Variants in TMEM132D observed in about 807,000 individuals in gnomAD.
TMEM132D encodes transmembrane protein 132D.
Under a neutral mutation model 62.3 loss-of-function variants are expected in TMEM132D, and 21 were observed. The observed-to-expected ratio is 0.34, with a 90% confidence interval of 0.24 to 0.49. The LOEUF is 0.49. TMEM132D is among the 20% of genes least tolerant of loss of function. The pLI is 0.99. For missense variants in TMEM132D, 1,346 were observed against 1,402.8 expected (o/e 0.96, Z 0.65); for synonymous variants, 621 against 575.6 (o/e 1.08, Z -1.13).
chr12:129,554,330 A>T (rs1422048965), intron 2 of TMEM132D, among the ~76,000 whole-genome samples: 2 of 152,208 alleles, frequency 1.3e-5, no homozygotes, highest in East Asian at 3.9e-4. Flanking sequence ...CTAAGTAACG[A>T]TGCCAGGTGG....
At chr12:129,424,346 T>G (rs1872418478) in intron 3 of TMEM132D, among the ~76,000 whole-genome samples, 1 of 152,146 alleles carries the variant, frequency 6.6e-6, no homozygotes, top group Admixed American at 6.5e-5. Context: ...ACTCAAAAGT[T>G]TTCCCATACA....
chr12:129,473,632 G>T (rs1442516983), intron 3 of TMEM132D, among the ~76,000 whole-genome samples: 1 of 152,000 alleles, frequency 6.6e-6, no homozygotes, highest in Non-Finnish European at 1.5e-5. Context: ...CACCTGGCCT[G>T]GTTTTAGTTA....
In TMEM132D at chr12:129,386,610, C is replaced by T. The variant is rs376244663; in HGVS notation, c.1116-48793G>A. 7.8e-4 allele frequency among the ~76,000 whole-genome samples: 118 copies of T among 151,614 alleles called. 3 individuals are homozygous for T. In the East Asian group the frequency reaches 0.015, roughly 19 times the overall value. On this transcript the variant is annotated intron_variant, in intron 3 of 8. Coordinates refer to ENST00000422113, the MANE Select transcript of TMEM132D (RefSeq NM_133448.3). ...CCAACACTATCACTAACACCAACAC[C>T]GACACCACCAATGCTAACAGTATCA... is the stretch of plus-strand genomic sequence containing the variant.
chr12:129,386,731 C>G (rs55743061), intron 3 of TMEM132D, among the ~76,000 whole-genome samples: 3 of 150,554 alleles, frequency 2.0e-5, no homozygotes, highest in Non-Finnish European at 3.0e-5. Context: ...CCAACACCAA[C>G]GCCACCAATG....
chr12:129,590,462 C>A (rs1032954900), intron 2 of TMEM132D, among the ~76,000 whole-genome samples: 1 of 152,224 alleles, frequency 6.6e-6, no homozygotes. Context: ...GTGGCAAATG[C>A]TTCCAAACGT....
intron 3 of TMEM132D, among the ~76,000 whole-genome samples, chr12:129,508,854 T>C (rs1875419847): frequency 1.3e-5 from 2 of 152,156 alleles, no homozygotes; most frequent in South Asian, 2.1e-4. Flanking sequence ...CGTAGGGAAC[T>C]GGACTCCATT....
At chr12:129,177,543 A>C (rs781209402) in intron 5 of TMEM132D, among the ~76,000 whole-genome samples, 5 of 152,176 alleles carry the variant, frequency 3.3e-5, no homozygotes, top group Non-Finnish European at 5.9e-5. Context: ...GGATCACTTG[A>C]ACCTGGGAGT....
intron 3 of TMEM132D, among the ~76,000 whole-genome samples, chr12:129,529,873 G>A (rs1392464882): frequency 6.6e-6 from 1 of 152,134 alleles, no homozygotes; most frequent in Non-Finnish European, 1.5e-5. Context: ...TATATTACTG[G>A]TACAGATGTG....
chr12:129,119,173 G>T (rs1000051160), intron 5 of TMEM132D, among the ~76,000 whole-genome samples: 1 of 152,192 alleles, frequency 6.6e-6, no homozygotes, highest in Non-Finnish European at 1.5e-5. Flanking sequence ...CTTGGAAATG[G>T]TTTTGACTTT....
chr12:129,689,116 G>C (rs1200320325), intron 2 of TMEM132D, among the ~76,000 whole-genome samples: 1 of 152,154 alleles, frequency 6.6e-6, no homozygotes, highest in African/African-American at 2.4e-5. Context: ...AATGTCAACA[G>C]TATGAGGTTG....
intron 3 of TMEM132D, among the ~76,000 whole-genome samples, chr12:129,340,221 C>A (rs75601460): frequency 6.6e-6 from 1 of 152,148 alleles, no homozygotes; most frequent in East Asian, 1.9e-4. Flanking sequence ...CCTTTCCCAG[C>A]CAAGATGTAA....
chr12:129,653,209 C>A (rs1879977291), intron 2 of TMEM132D, among the ~76,000 whole-genome samples: 1 of 152,064 alleles, frequency 6.6e-6, no homozygotes, highest in Admixed American at 6.6e-5. Context: ...TGAGGAGGGG[C>A]TGCATGGTTT....
At chr12:129,098,807 A>G (rs536056306) in intron 5 of TMEM132D, among the ~76,000 whole-genome samples, 1 of 152,254 alleles carries the variant, frequency 6.6e-6, no homozygotes, top group Admixed American at 6.5e-5. Flanking sequence ...TCAGAAACCA[A>G]CATCTCAAAA....
intron 2 of TMEM132D, among the ~76,000 whole-genome samples, chr12:129,627,992 A>C (rs265614): frequency 0.23 from 34,329 of 152,212 alleles, 4,228 homozygotes; most frequent in Admixed American, 0.28. Context: ...GTCTCCAAAA[A>C]ACAGTAATTT....
rs537565948 is a variant in TMEM132D, at chr12:129,434,396, C to T, written c.1116-96579G>A. On this transcript the variant is annotated intron_variant, in intron 3 of 8. Transcript: ENST00000422113. ...AATATGGACGAGTTACTTAAAATCT[C>T]GGTGCCAGTTTCTTCATTTGTATTT... 5.9e-5 allele frequency among the ~76,000 whole-genome samples: 9 copies of T among 152,316 alleles called. No individual in the cohort carries two copies. In the South Asian group the frequency reaches 8.3e-4, roughly 14 times the overall value.
At chr12:129,807,197 C>A (rs569463106) in intron 1 of TMEM132D, among the ~76,000 whole-genome samples, 1 of 152,164 alleles carries the variant, frequency 6.6e-6, no homozygotes. Flanking sequence ...CCGTAATTAG[C>A]AAGGACCCTG....
intron 4 of TMEM132D, among the ~76,000 whole-genome samples, chr12:129,243,588 C>A (rs777252363): frequency 6.6e-6 from 1 of 152,066 alleles, no homozygotes; most frequent in East Asian, 1.9e-4. Flanking sequence ...CAGATTAGAA[C>A]GACTGGAAAC....
chr12:129,307,789 T>C (rs557359167), intron 4 of TMEM132D, among the ~76,000 whole-genome samples: 2 of 152,218 alleles, frequency 1.3e-5, no homozygotes, highest in Non-Finnish European at 2.9e-5. Context: ...TCTGCCACAG[T>C]CTTTGCAAGT....
intron 2 of TMEM132D, among the ~76,000 whole-genome samples, chr12:129,587,506 T>C (rs935919666): frequency 6.6e-6 from 1 of 152,014 alleles, no homozygotes; most frequent in African/African-American, 2.4e-5. Context: ...AGTTTACCTA[T>C]GTAACACAAC....
Sources: allele counts gnomAD v4.1 joint callset (sites outside exome capture counted in the v4.1 genomes callset), GRCh38; gene constraint gnomAD v4.1.1; transcripts MANE v1.5; gene names NCBI Gene and HGNC (gene_info 2026-07-23, HGNC 2026-07-21).